Variants in UNC13C observed in about 807,000 individuals in gnomAD.
UNC13C encodes the protein unc-13 homolog C.
Under a neutral mutation model 245.4 loss-of-function variants are expected in UNC13C, and 174 were observed. The observed-to-expected ratio is 0.71, with a 90% CI of 0.63 to 0.80. UNC13C has a LOEUF of 0.80. Among genes scored for constraint, UNC13C ranks in the 30% least tolerant of loss-of-function variants. The pLI is 0.00. For missense variants in UNC13C, 2,829 were observed against 2,602.9 expected (o/e 1.09, Z -1.89); for synonymous variants, 992 against 895.1 (o/e 1.11, Z -1.93).
chr15:54,014,797 G>A lies in UNC13C; in HGVS notation c.1894G>A (p.Gly632Ser). ...AACTGTGGATAGTGGAATGAGTAAT[G>A]GCATGGTGTGTGCATCTGGAGACCG... Reference protein sequence around the residue: ...TETVDSGMSNGMVCASGDRSH... With the variant: ...TETVDSGMSNSMVCASGDRSH... Residue 632 changes from glycine (G) to serine (S), a missense_variant, in exon 2 of 33, where the codon GGC (glycine) becomes AGC (serine). Physicochemically the swap from Gly to Ser is moderately conservative, Grantham distance 56 (BLOSUM62 0). Transcript: ENST00000260323. 2 of 1,613,854 alleles carry A rather than the reference G, an allele frequency of 1.2e-6. No homozygotes were observed. The highest frequency in any genetic ancestry group is 1.1e-5 in the South Asian group (1 of 91,074).
At chr15:54,219,574 G>A (rs1269720188) in intron 4 of UNC13C, among the ~76,000 whole-genome samples, 2 of 145,762 alleles carry the variant, frequency 1.4e-5, no homozygotes, top group South Asian at 2.2e-4. Flanking sequence ...AAAAGCAATG[G>A]CAACAAAAGC....
chr15:53,986,736 A>G (rs1457504190), intron 1 of UNC13C, among the ~76,000 whole-genome samples: 2 of 151,826 alleles, frequency 1.3e-5, no homozygotes, highest in Admixed American at 1.3e-4. Context: ...TTAATCTCTT[A>G]GTTCAGTTAT....
At chr15:54,256,773 A>G (rs2036289396) in intron 8 of UNC13C, among the ~76,000 whole-genome samples, 1 of 152,244 alleles carries the variant, frequency 6.6e-6, no homozygotes, top group East Asian at 1.9e-4. Context: ...CCCTGAGGAT[A>G]AAAGAGAACA....
intron 1 of UNC13C, among the ~76,000 whole-genome samples, chr15:53,987,817 C>G (rs1457093002): frequency 1.3e-5 from 2 of 152,032 alleles, no homozygotes; most frequent in East Asian, 1.9e-4. Flanking sequence ...AAGGATGTCT[C>G]TGTTCTTTCC....
At chr15:54,084,551 C>T (rs1469462174) in intron 2 of UNC13C, among the ~76,000 whole-genome samples, 1 of 152,148 alleles carries the variant, frequency 6.6e-6, no homozygotes, top group Non-Finnish European at 1.5e-5. Flanking sequence ...TGGCCATTGC[C>T]ATTTTTTGGT....
chr15:54,127,561 T>C (rs2141207225), intron 2 of UNC13C, among the ~76,000 whole-genome samples: 1 of 149,852 alleles, frequency 6.7e-6, no homozygotes, highest in East Asian at 2.0e-4. Context: ...TGTTGGGGAG[T>C]GGGGGACTAG....
At chr15:54,010,223 T>C (rs982797473) in intron 1 of UNC13C, among the ~76,000 whole-genome samples, 1 of 152,218 alleles carries the variant, frequency 6.6e-6, no homozygotes, top group Non-Finnish European at 1.5e-5. Flanking sequence ...GAGTCTATTA[T>C]GTATAAAGGA....
intron 18 of UNC13C, among the ~76,000 whole-genome samples, chr15:54,394,963 A>C (rs2040039670): frequency 6.6e-6 from 1 of 151,888 alleles, no homozygotes. Context: ...AAGTATAAAA[A>C]TTAGCAATGA....
At chr15:53,979,325 A>C (rs1893829873) in intron 1 of UNC13C, among the ~76,000 whole-genome samples, 1 of 125,472 alleles carries the variant, frequency 8.0e-6, no homozygotes, top group Non-Finnish European at 1.8e-5. Context: ...TTAAAAGCCA[A>C]GATGTCATAC....
At chr15:53,969,493 G>C in the UNC13C span, among the ~76,000 whole-genome samples, 2 of 151,990 alleles carry the variant, frequency 1.3e-5, no homozygotes, top group South Asian at 4.1e-4. Context: ...GGCCAGCCTG[G>C]TCAATATAGT....
rs1267266465 is a variant in UNC13C at position 54,627,572 on chromosome 15, A to T, written c.*459A>T. On this transcript the variant is annotated 3_prime_UTR_variant, in exon 33 of 33. Coordinates refer to ENST00000260323, the MANE Select transcript of UNC13C (RefSeq NM_001080534.3). ...AACTAGAAATGCAGTCACTTCTAGA[A>T]AGCATTTGTAATTTTATAGTCGCAG... 1 of 153,212 alleles carries T rather than the reference A, an allele frequency of 6.5e-6. No homozygotes were observed. The highest frequency in any genetic ancestry group is 1.5e-5 in the Non-Finnish European group (1 of 68,414). 9.5% of individuals were successfully genotyped at this position (153,212 alleles called of 1,614,324 possible). A position where few individuals can be genotyped will look rare whatever the true frequency, so the allele number is the denominator to read the frequency against.
At chr15:54,118,338 T>G (rs2030422816) in intron 2 of UNC13C, among the ~76,000 whole-genome samples, 2 of 152,104 alleles carry the variant, frequency 1.3e-5, no homozygotes. Context: ...TCATCAGTGT[T>G]TTTTAGTTTT....
intron 4 of UNC13C, among the ~76,000 whole-genome samples, chr15:54,175,382 G>T (rs1393932155): frequency 6.6e-6 from 1 of 152,028 alleles, no homozygotes; most frequent in East Asian, 1.9e-4. Flanking sequence ...GTAGCACCAC[G>T]TTATTTGCCC....
At chr15:54,589,509 G>T (rs1898668321) in intron 30 of UNC13C, among the ~76,000 whole-genome samples, 1 of 151,838 alleles carries the variant, frequency 6.6e-6, no homozygotes. Context: ...ATGTTGACCA[G>T]GCTGGTCTTG....
chr15:53,843,861 C>T, the UNC13C span, among the ~76,000 whole-genome samples: 1 of 152,096 alleles, frequency 6.6e-6, no homozygotes, highest in East Asian at 1.9e-4. Context: ...GGCTCTATTT[C>T]AGTGGAGTGA....
At chr15:54,260,725 TAA>T (rs1434708766) in intron 8 of UNC13C, among the ~76,000 whole-genome samples, 2 of 148,660 alleles carry the variant, frequency 1.3e-5, no homozygotes, top group African/African-American at 2.4e-5. Context: ...AATATATATA[TAA>T]CTTTATATAT....
chr15:53,912,616 T>A, the UNC13C span: 1 of 152,156 alleles, frequency 6.6e-6, no homozygotes, highest in Non-Finnish European at 1.5e-5. Flanking sequence ...TTTTGCATGA[T>A]CTGGACTTAC....
At chr15:54,172,928 A>C (rs1223211351) in intron 4 of UNC13C, among the ~76,000 whole-genome samples, 1 of 151,146 alleles carries the variant, frequency 6.6e-6, no homozygotes, top group African/African-American at 2.4e-5. Flanking sequence ...AAAGGTAGGA[A>C]ATAAGATTTA....
the UNC13C span, among the ~76,000 whole-genome samples, chr15:53,905,880 T>C: frequency 6.6e-6 from 1 of 152,080 alleles, no homozygotes; most frequent in African/African-American, 2.4e-5. Flanking sequence ...TCATATATCT[T>C]AAAAAAATAG....
Sources: allele counts gnomAD v4.1 joint callset (sites outside exome capture counted in the v4.1 genomes callset), GRCh38; gene constraint gnomAD v4.1.1; transcripts MANE v1.5; gene names NCBI Gene and HGNC (gene_info 2026-07-23, HGNC 2026-07-21).